Variants in COBLL1 observed in about 807,000 individuals in gnomAD.
COBLL1 encodes cordon-bleu WH2 repeat protein like 1.
Under a neutral mutation model 94.8 loss-of-function variants are expected in COBLL1, and 50 were observed. The ratio of observed to expected loss-of-function variants is 0.53; its 90% CI spans 0.42 to 0.67. The LOEUF is 0.67. Among genes scored for constraint, COBLL1 ranks in the 30% least tolerant of loss-of-function variants. The probability of loss-of-function intolerance (pLI) is 0.00; values close to 1 mark genes in which losing one functional copy is unlikely to be tolerated. For missense variants in COBLL1, 1,362 were observed against 1,348.7 expected (o/e 1.01, Z -0.15); for synonymous variants, 448 against 473.8 (o/e 0.95, Z 0.71).
intron 2 of COBLL1, among the ~76,000 whole-genome samples, chr2:164,664,855 G>A (rs1287269018): frequency 6.6e-6 from 1 of 152,162 alleles, no homozygotes; most frequent in Non-Finnish European, 1.5e-5. Context: ...ACCAAATAAA[G>A]TGCTGTTTAA....
intron 2 of COBLL1, among the ~76,000 whole-genome samples, chr2:164,757,462 T>G (rs979377963): frequency 6.6e-6 from 1 of 152,112 alleles, no homozygotes; most frequent in Non-Finnish European, 1.5e-5. Flanking sequence ...AAATTCCTCA[T>G]GAAAGAAACA....
chr2:164,694,674 C>A lies in COBLL1; in HGVS notation c.2718G>T (p.Arg906Ser). The A allele has an allele frequency of 1.2e-6, 2 of 1,613,658 alleles. No individual in the cohort carries two copies. Among genetic ancestry groups the A allele is most frequent in the Non-Finnish European group, 1.7e-6 (2 of 1,179,878 alleles). The change falls in exon 12 of 14, where the codon AGG becomes AGT. Residue 906 changes from arginine (R) to serine (S), a missense_variant. Coordinates refer to ENST00000652658, the MANE Select transcript of COBLL1 (RefSeq NM_001365672.2). Reference sequence around the variant, plus strand: ...TCTGCTCCGGAGAAGGCAGCATATCCCTTTCTGCCTCTTTATTTGTCAGTT... The same window carrying A: ...TCTGCTCCGGAGAAGGCAGCATATCACTTTCTGCCTCTTTATTTGTCAGTT... ...PKELTNKEAE[R>S]DMLPSPEQTL...
At chr2:164,792,087 T>C (rs1683216360) in intron 2 of COBLL1, among the ~76,000 whole-genome samples, 1 of 151,900 alleles carries the variant, frequency 6.6e-6, no homozygotes, top group Admixed American at 6.6e-5. Flanking sequence ...CCCCATTGGC[T>C]GTTTTTCTTT....
At chr2:164,774,852 G>A (rs1299226250) in intron 2 of COBLL1, among the ~76,000 whole-genome samples, 1 of 136,416 alleles carries the variant, frequency 7.3e-6, no homozygotes, top group African/African-American at 2.9e-5. Context: ...TCAGGTGCCT[G>A]TATCACTTTT....
chr2:164,809,776 T>G (rs1016311257), intron 2 of COBLL1, among the ~76,000 whole-genome samples: 4 of 151,938 alleles, frequency 2.6e-5, no homozygotes, highest in African/African-American at 9.7e-5. Flanking sequence ...ATATAATTTC[T>G]CAAATACAAG....
intron 9 of COBLL1, chr2:164,703,602 T>C (rs188553337): frequency 4.4e-5 from 19 of 427,812 alleles, no homozygotes; most frequent in Middle Eastern, 3.5e-4. Flanking sequence ...TACATATATA[T>C]GCTAAAATTC....
intron 2 of COBLL1, among the ~76,000 whole-genome samples, chr2:164,811,323 A>T (rs1684446622): frequency 6.6e-6 from 1 of 152,004 alleles, no homozygotes; most frequent in Admixed American, 6.6e-5. Flanking sequence ...TAGTGCCATT[A>T]TAACTGCATG....
intron 2 of COBLL1, among the ~76,000 whole-genome samples, chr2:164,798,635 T>A (rs1291327741): frequency 6.6e-6 from 1 of 152,112 alleles, no homozygotes; most frequent in Non-Finnish European, 1.5e-5. Flanking sequence ...AGGGGGACTA[T>A]CTGCTAACAA....
At chr2:164,691,531 A>T (rs1683591491) in intron 13 of COBLL1, among the ~76,000 whole-genome samples, 1 of 152,142 alleles carries the variant, frequency 6.6e-6, no homozygotes, top group South Asian at 2.1e-4. Context: ...TGGGGAGTCT[A>T]AGTGCTGATG....
At chr2:164,670,291 A>G (rs1261304504) in intron 1 of COBLL1, among the ~76,000 whole-genome samples, 5 of 152,228 alleles carry the variant, frequency 3.3e-5, no homozygotes. Context: ...AAGAGAAAAA[A>G]AAGTGCATAA....
intron 2 of COBLL1, chr2:164,840,807 A>T (rs2105403294): frequency 4.4e-6 from 1 of 229,200 alleles, no homozygotes. Flanking sequence ...CTCCCTCCCC[A>T]GGAGCTCACT....
At chr2:164,779,649 G>A (rs755062332) in intron 2 of COBLL1, 18 of 470,628 alleles carry the variant, frequency 3.8e-5, no homozygotes, top group East Asian at 6.9e-5. Flanking sequence ...CAGGCAGGAC[G>A]GTCACCTTAC....
chr2:164,734,216 C>CA (rs60971315), intron 3 of COBLL1, among the ~76,000 whole-genome samples: 31,556 of 120,462 alleles, frequency 0.26, 3,409 homozygotes, highest in African/African-American at 0.28. Context: ...CATGCTCTGA[C>CA]AAAAAAAAAA....
rs531788985 is a variant in COBLL1 at position 164,680,709 on chromosome 2, A to G, written c.*5237T>C. 1 of 152,268 alleles carries G rather than the reference A, an allele frequency of 6.6e-6. No homozygotes were observed. Among genetic ancestry groups the G allele is most frequent in the East Asian group, 1.9e-4 (1 of 5,176 alleles). 9.4% of individuals were successfully genotyped at this position (152,268 alleles called of 1,614,324 possible). ...AGCTTGAACGTCAGATAAACAATAT[A>G]AAAATATAAGTATATCCCAAATATT... On this transcript the variant is annotated 3_prime_UTR_variant, in exon 14 of 14. Transcript: ENST00000652658.
At chr2:164,741,032 T>C (rs890309705) in intron 3 of COBLL1, among the ~76,000 whole-genome samples, 1 of 152,006 alleles carries the variant, frequency 6.6e-6, no homozygotes, top group African/African-American at 2.4e-5. Flanking sequence ...TCTCAGCACT[T>C]TGGGAGGCTG....
At chr2:164,745,516 A>G (rs1041817017) in intron 2 of COBLL1, among the ~76,000 whole-genome samples, 1 of 152,224 alleles carries the variant, frequency 6.6e-6, no homozygotes, top group Non-Finnish European at 1.5e-5. Context: ...ATTCAGCTAA[A>G]CACAGGAAAG....
chr2:164,785,094 C>G (rs1013461130), intron 2 of COBLL1, among the ~76,000 whole-genome samples: 1 of 152,138 alleles, frequency 6.6e-6, no homozygotes, highest in South Asian at 2.1e-4. Context: ...GATGTCCAGG[C>G]CTTGATCTTG....
In COBLL1 at chr2:164,695,796, T is replaced by G. The variant is rs767912282; in HGVS notation, c.1596A>C (p.Glu532Asp). The G allele has an allele frequency of 1.2e-6, 2 of 1,607,724 alleles. No individual in the cohort carries two copies. Among genetic ancestry groups the G allele is most frequent in the African/African-American group, 2.7e-5 (2 of 74,516 alleles). The change falls in exon 12 of 14, where the codon GAA becomes GAC. Residue 532 changes from glutamate to aspartate, a missense_variant. Glu to Asp is a conservative substitution (Grantham distance 45, BLOSUM62 2). Transcript: ENST00000652658. ...NEIIVYPENT[E>D]DNMKNGVKKT... ...TCTTCACTCCATTTTTCATATTGTC[T>G]TCTGTGTTCTCTGGATAGACAATTA...
intron 13 of COBLL1, chr2:164,687,209 C>CT: frequency 2.3e-6 from 1 of 437,838 alleles, no homozygotes; most frequent in East Asian, 4.0e-5. Flanking sequence ...TAATGACTTT[C>CT]TTTCTTTTTT....
Sources: gnomAD v4.1 joint callset for allele counts (sites outside exome capture counted in the v4.1 genomes callset) on GRCh38, gnomAD v4.1.1 for gene constraint, MANE v1.5 for transcripts, NCBI Gene and HGNC (gene_info 2026-07-23, HGNC 2026-07-21) for gene names.